The following MEIS2 variants were observed in gnomAD, a reference collection of about 807,000 sequenced individuals.
MEIS2 encodes the protein homeobox protein Meis2.
In MEIS2, 9 loss-of-function variants were observed where a neutral mutation model predicts 58.6. The ratio of observed to expected loss-of-function variants is 0.15; its 90% CI spans 0.09 to 0.27. The LOEUF (loss-of-function observed/expected upper bound fraction) is 0.27. Ranked by LOEUF, MEIS2 falls within the 10% of genes least tolerant of loss-of-function variation. The probability of loss-of-function intolerance (pLI) is 1.00; values close to 1 mark genes in which losing one functional copy is unlikely to be tolerated. For missense variants in MEIS2, 427 were observed against 635.0 expected, an observed-to-expected ratio of 0.67 and a Z score of 3.52; for synonymous variants, 221 against 228.4, an observed-to-expected ratio of 0.97 and a Z score of 0.29.
intron 8 of MEIS2, among the ~76,000 whole-genome samples, chr15:36,955,361 A>G (rs949383177): frequency 1.3e-5 from 2 of 152,174 alleles, no homozygotes; most frequent in African/African-American, 2.4e-5. Flanking sequence ...TATCTCTGTT[A>G]AGTATAACTT....
intron 6 of MEIS2, among the ~76,000 whole-genome samples, chr15:37,088,424 T>C (rs1180504618): frequency 1.3e-5 from 2 of 152,226 alleles, no homozygotes; most frequent in Non-Finnish European, 2.9e-5. Flanking sequence ...CCCATAACTT[T>C]ATAATGTTTT....
At chr15:37,006,755 AAATGC>A (rs1329938010) in intron 8 of MEIS2, among the ~76,000 whole-genome samples, 1 of 152,246 alleles carries the variant, frequency 6.6e-6, no homozygotes, top group African/African-American at 2.4e-5. Flanking sequence ...TAACCATGTT[AAATGC>A]CTGAATAAAA....
At chr15:37,030,255 A>C (rs1338770292) in intron 8 of MEIS2, among the ~76,000 whole-genome samples, 1 of 151,950 alleles carries the variant, frequency 6.6e-6, no homozygotes, top group African/African-American at 2.4e-5. Flanking sequence ...TGACACCAGG[A>C]CTCTCTAATG....
chr15:37,019,764 C>T (rs2061462919), intron 8 of MEIS2, among the ~76,000 whole-genome samples: 1 of 152,138 alleles, frequency 6.6e-6, no homozygotes, highest in East Asian at 1.9e-4. Context: ...TCCAACTGCT[C>T]ACAGTGTGGA....
intron 8 of MEIS2, among the ~76,000 whole-genome samples, chr15:36,962,796 T>C (rs2141434584): frequency 6.6e-6 from 1 of 152,376 alleles, no homozygotes; most frequent in South Asian, 2.1e-4. Context: ...GGTTTCATTC[T>C]CTAAGTTAGC....
chr15:37,061,828 A>G lies in MEIS2; in HGVS notation c.754+21943T>C, dbSNP rs187295949. On this transcript the variant is annotated intron_variant, in intron 7 of 11. Transcript: ENST00000561208. ...TTTCCTCTTAACTTTCAAAATCTGGATATCTTCCTATAAATAAAATGGCAG... is the reference window on the plus strand; with the variant it reads ...TTTCCTCTTAACTTTCAAAATCTGGGTATCTTCCTATAAATAAAATGGCAG... Among the ~76,000 whole-genome samples, 705 of 152,286 alleles carry G rather than the reference A, an allele frequency of 4.6e-3. 3 individuals are homozygous for G. The highest frequency in any genetic ancestry group is 8.4e-3 in the Non-Finnish European group (571 of 68,014).
At chr15:37,026,064 T>G (rs2061691279) in intron 8 of MEIS2, among the ~76,000 whole-genome samples, 1 of 151,980 alleles carries the variant, frequency 6.6e-6, no homozygotes, top group South Asian at 2.1e-4. Context: ...AAAATCACTG[T>G]GAGGAAGGGT....
intron 7 of MEIS2, among the ~76,000 whole-genome samples, chr15:37,043,435 AG>A (rs1466773020): frequency 1.3e-5 from 2 of 152,166 alleles, no homozygotes; most frequent in African/African-American, 2.4e-5. Flanking sequence ...TCCAGGAAGT[AG>A]GTATACTTAT....
At chr15:37,002,053 C>T (rs1461158253) in intron 8 of MEIS2, among the ~76,000 whole-genome samples, 1 of 152,150 alleles carries the variant, frequency 6.6e-6, no homozygotes, top group African/African-American at 2.4e-5. Flanking sequence ...TAACAATATT[C>T]TGTCTGTTTC....
At chr15:36,957,670 T>A (rs2059030338) in intron 8 of MEIS2, among the ~76,000 whole-genome samples, 2 of 152,262 alleles carry the variant, frequency 1.3e-5, no homozygotes. Flanking sequence ...CTCACTGGAC[T>A]GCAAATCATT....
chr15:37,070,789 G>C (rs948161307), intron 7 of MEIS2, among the ~76,000 whole-genome samples: 2 of 152,044 alleles, frequency 1.3e-5, no homozygotes, highest in African/African-American at 2.4e-5. Context: ...CAAGTTTCTA[G>C]AATGGTGTCA....
chr15:37,073,487 C>T (rs549692666), intron 7 of MEIS2, among the ~76,000 whole-genome samples: 9 of 152,096 alleles, frequency 5.9e-5, no homozygotes, highest in African/African-American at 1.9e-4. Flanking sequence ...CCCAAGGTGC[C>T]TTGCTCAATG....
intron 8 of MEIS2, among the ~76,000 whole-genome samples, chr15:37,027,906 C>T (rs1453168574): frequency 6.6e-6 from 1 of 152,142 alleles, no homozygotes; most frequent in African/African-American, 2.4e-5. Context: ...CGGAGTAGCA[C>T]ATTTGTCACA....
At chr15:36,950,215 T>C in intron 9 of MEIS2, 109 bp downstream of exon 9, 1 of 968,072 alleles carries the variant, frequency 1.0e-6, no homozygotes, top group Non-Finnish European at 1.6e-6. Context: ...ACAGAAGTTA[T>C]CCTCCTCGAT....
At chr15:36,987,488 T>C (rs2060132549) in intron 8 of MEIS2, among the ~76,000 whole-genome samples, 1 of 151,860 alleles carries the variant, frequency 6.6e-6, no homozygotes, top group Non-Finnish European at 1.5e-5. Flanking sequence ...AGCAAGCCCT[T>C]CTTGGGGTGA....
At chr15:36,930,247 T>C (rs1358269484) in intron 9 of MEIS2, among the ~76,000 whole-genome samples, 2 of 142,310 alleles carry the variant, frequency 1.4e-5, no homozygotes, top group Admixed American at 7.0e-5. Flanking sequence ...AAAAAAGTTA[T>C]CCACAGAGAA....
At chr15:36,901,895 CTCTACT>C (rs576379940) in intron 9 of MEIS2, among the ~76,000 whole-genome samples, 439 of 152,312 alleles carry the variant, frequency 2.9e-3, no homozygotes, top group African/African-American at 0.01. Flanking sequence ...TACTAAAATA[CTCTACT>C]TTGAGCATGC....
intron 8 of MEIS2, among the ~76,000 whole-genome samples, chr15:36,987,592 T>C (rs2060134889): frequency 6.6e-6 from 1 of 152,194 alleles, no homozygotes; most frequent in South Asian, 2.1e-4. Flanking sequence ...GGTGAAATTA[T>C]GATAAAATGA....
At chr15:37,089,817 T>A (rs531254598) in intron 6 of MEIS2, among the ~76,000 whole-genome samples, 2 of 150,234 alleles carry the variant, frequency 1.3e-5, no homozygotes, top group Non-Finnish European at 3.0e-5. Flanking sequence ...ACATGTAATA[T>A]CTTTACATGT....
Sources: gnomAD v4.1 joint callset for allele counts (sites outside exome capture counted in the v4.1 genomes callset) on GRCh38, gnomAD v4.1.1 for gene constraint, MANE v1.5 for transcripts, NCBI Gene and HGNC (gene_info 2026-07-23, HGNC 2026-07-21) for gene names.